MECR: variants seen among roughly 807,000 people sequenced by gnomAD.
MECR encodes the protein mitochondrial trans-2-enoyl-CoA reductase.
Under a neutral mutation model 49.1 loss-of-function variants are expected in MECR, and 37 were observed. That is an observed-to-expected ratio of 0.75 (90% CI 0.58 to 0.99). MECR has a LOEUF of 0.99. Ranked by LOEUF, MECR falls within the 50% of genes least tolerant of loss-of-function variation. MECR has a pLI of 0.00. For synonymous variants in MECR, 198 were observed against 191.1 expected, an observed-to-expected ratio of 1.04 and a Z score of -0.30; for missense variants, 470 against 479.6, an observed-to-expected ratio of 0.98 and a Z score of 0.19.
At chr1:29,184,548 A>C in the MECR span, among the ~76,000 whole-genome samples, 1 of 150,926 alleles carries the variant, frequency 6.6e-6, no homozygotes, top group Non-Finnish European at 1.5e-5. Context: ...GAGGTTAGGG[A>C]TTCAAGACCA....
At position 29,200,561 on chromosome 1, in the gene MECR, T is replaced by C; in HGVS notation, c.785A>G (p.Asn262Ser). 1 of 1,613,850 alleles carries C rather than the reference T, an allele frequency of 6.2e-7. No homozygotes were observed. The highest frequency in any genetic ancestry group is 1.7e-5 in the Admixed American group (1 of 60,014). Residue 262 changes from asparagine (N) to serine (S), a missense_variant, in exon 7 of 10, where the codon AAC (asparagine) becomes AGC (serine). Asn to Ser is a conservative substitution (Grantham distance 46). Coordinates refer to ENST00000263702, the MANE Select transcript of MECR (RefSeq NM_016011.5). Reference sequence around the variant, plus strand: ...TGTGGAGCTTTTCCCACCAACACAGTTGAGAGCAAGCCGTGGCTGGGGCAT... The same window carrying C: ...TGTGGAGCTTTTCCCACCAACACAGCTGAGAGCAAGCCGTGGCTGGGGCAT... ...KDMPQPRLAL[N>S]CVGGKSSTEL...
chr1:29,190,466 A>T (rs1217590089), downstream of MECR, among the ~76,000 whole-genome samples: 3 of 151,748 alleles, frequency 2.0e-5, no homozygotes, highest in Admixed American at 2.0e-4. Context: ...GAAGGGGAAG[A>T]AAAAGGTACA....
intron 1 of MECR, among the ~76,000 whole-genome samples, chr1:29,222,817 G>T (rs1170720647): frequency 6.6e-6 from 1 of 152,140 alleles, no homozygotes; most frequent in Non-Finnish European, 1.5e-5. Flanking sequence ...CAAGCCTGGG[G>T]GTGGGGGGGT....
At chr1:29,184,330 A>G in the MECR span, among the ~76,000 whole-genome samples, 1 of 150,184 alleles carries the variant, frequency 6.7e-6, no homozygotes, top group Non-Finnish European at 1.5e-5. Flanking sequence ...ATGTGCCACC[A>G]CGCCTGGCTA....
intron 3 of MECR, among the ~76,000 whole-genome samples, chr1:29,215,242 T>C (rs930160119): frequency 1.3e-5 from 2 of 152,174 alleles, no homozygotes; most frequent in African/African-American, 4.8e-5. Context: ...TTTCCTCATT[T>C]TACATCCTCC....
At chr1:29,185,769 G>C in the MECR span, among the ~76,000 whole-genome samples, 5 of 152,236 alleles carry the variant, frequency 3.3e-5, no homozygotes, top group East Asian at 3.9e-4. Flanking sequence ...ACATTCTTAA[G>C]AACTAGCAAT....
At chr1:29,205,860 A>G (rs1676457720) in intron 4 of MECR, among the ~76,000 whole-genome samples, 2 of 151,918 alleles carry the variant, frequency 1.3e-5, no homozygotes, top group Non-Finnish European at 2.9e-5. Context: ...CGCAGCAGTA[A>G]CCGGGCTTCA....
chr1:29,192,098 AAAAC>A (rs1188130314), downstream of MECR, among the ~76,000 whole-genome samples: 10 of 152,180 alleles, frequency 6.6e-5, no homozygotes, highest in African/African-American at 2.2e-4. Flanking sequence ...CTCAAAAAAA[AAAAC>A]AAACATTCCG....
At chr1:29,230,142 C>T (rs1445065599) in intron 1 of MECR, among the ~76,000 whole-genome samples, 1 of 152,202 alleles carries the variant, frequency 6.6e-6, no homozygotes, top group Admixed American at 6.5e-5. Flanking sequence ...CCATGGATTC[C>T]AGTCTCCTGT....
chr1:29,188,769 A>G (rs1673072622), downstream of MECR, among the ~76,000 whole-genome samples: 1 of 151,442 alleles, frequency 6.6e-6, no homozygotes, highest in Non-Finnish European at 1.5e-5. Context: ...CCTCCCGAGT[A>G]GCTGGGATTA....
At chr1:29,180,651 C>T in the MECR span, among the ~76,000 whole-genome samples, 1 of 152,174 alleles carries the variant, frequency 6.6e-6, no homozygotes, top group African/African-American at 2.4e-5. Flanking sequence ...GTTTAGTGCC[C>T]TAAAATGTCA....
intron 3 of MECR, among the ~76,000 whole-genome samples, chr1:29,214,945 T>C (rs1007218749): frequency 6.6e-6 from 1 of 152,144 alleles, no homozygotes; most frequent in Non-Finnish European, 1.5e-5. Context: ...TGACTCCTTA[T>C]AATATATCAA....
At chr1:29,191,746 T>C (rs1357215096), downstream of MECR, among the ~76,000 whole-genome samples, 1 of 152,188 alleles carries the variant, frequency 6.6e-6, no homozygotes, top group Non-Finnish European at 1.5e-5. Flanking sequence ...ACATAAAAGA[T>C]GCTTCCAAAG....
intron 1 of MECR, chr1:29,230,296 T>C (rs545060509): frequency 5.7e-6 from 1 of 174,506 alleles, no homozygotes; most frequent in East Asian, 1.9e-4. Context: ...ATAATAATAA[T>C]AGTAAGAACT....
At chr1:29,174,822 C>T in the MECR span, among the ~76,000 whole-genome samples, 96 of 151,368 alleles carry the variant, frequency 6.3e-4, 1 homozygote, top group African/African-American at 2.1e-3. Context: ...TACAGGCGTG[C>T]GCCATCATGC....
Position 29,210,308 on chromosome 1 carries a change from G to A in MECR, c.407-3403C>T, listed in dbSNP as rs548478638. Among the ~76,000 whole-genome samples, 7 of 152,212 alleles carry A rather than the reference G, an allele frequency of 4.6e-5. No homozygotes were observed. In the East Asian group the frequency reaches 5.8e-4, roughly 13 times the overall value. ...ATTATAGGCATGAGTCACTGTACCC[G>A]GCCCAGGAACACTTTTTATAGAAGG... is the stretch of plus-strand genomic sequence containing the variant. On this transcript the variant is annotated intron_variant, in intron 3 of 9. Coordinates refer to ENST00000263702, the MANE Select transcript of MECR (RefSeq NM_016011.5).
chr1:29,190,299 C>T (rs61783696), downstream of MECR, among the ~76,000 whole-genome samples: 26 of 151,772 alleles, frequency 1.7e-4, 1 homozygote, highest in Middle Eastern at 0.017. Context: ...GGCGTGAACC[C>T]GGGAGGCGGA....
At chr1:29,181,944 G>A in the MECR span, 174 of 417,016 alleles carry the variant, frequency 4.2e-4, no homozygotes, top group African/African-American at 3.1e-3. Context: ...CTTCCCCGAG[G>A]CGGAAGGTAA....
Position 29,196,022 on chromosome 1 carries a change from A to C in MECR, c.892-9T>G. 6.2e-7 allele frequency: 1 copy of C among 1,614,156 alleles called. No individual in the cohort carries two copies. Among genetic ancestry groups the C allele is most frequent in the Non-Finnish European group, 8.5e-7 (1 of 1,179,958 alleles). On this transcript the variant is annotated splice_polypyrimidine_tract_variant and intron_variant, in intron 8 of 9. Coordinates refer to ENST00000263702, the MANE Select transcript of MECR (RefSeq NM_016011.5). The stretch of plus-strand genomic sequence containing the variant: ...TTAAAAATGAGCAGGCTCTGCAGAC[A>C]CAGGAAGGACATGCTGGGCTCTGAG...
Sources: allele counts gnomAD v4.1 joint callset (sites outside exome capture counted in the v4.1 genomes callset), GRCh38; gene constraint gnomAD v4.1.1; transcripts MANE v1.5; gene names NCBI Gene and HGNC (gene_info 2026-07-23, HGNC 2026-07-21).